RAPGEF5: variants seen among roughly 807,000 people sequenced by gnomAD.
RAPGEF5 encodes Rap guanine nucleotide exchange factor 5.
A neutral mutation model predicts 125.2 loss-of-function variants in RAPGEF5; 65 were observed. That is an observed-to-expected ratio of 0.52 (90% CI 0.43 to 0.64). RAPGEF5 has a LOEUF of 0.64. Among genes scored for constraint, RAPGEF5 ranks in the 30% least tolerant of loss-of-function variants. The pLI, the probability that RAPGEF5 is intolerant of heterozygous loss-of-function variation, is 0.00. For synonymous variants in RAPGEF5, 391 were observed against 385.9 expected (o/e 1.01, Z -0.16); for missense variants, 958 against 1,048.1 (o/e 0.91, Z 1.19).
At chr7:22,305,751 T>A (rs142037448) in intron 5 of RAPGEF5, among the ~76,000 whole-genome samples, 389 of 152,288 alleles carry the variant, frequency 2.6e-3, no homozygotes, top group African/African-American at 8.5e-3. Flanking sequence ...TTCTACTGTG[T>A]TCATGAGTTC....
chr7:22,147,094 C>T, intron 18 of RAPGEF5, 75 bp from the exon 19 acceptor site: 2 of 1,535,006 alleles, frequency 1.3e-6, no homozygotes, highest in Non-Finnish European at 1.8e-6. Context: ...TGTAGAAAGG[C>T]ACTAGAAGCT....
At chr7:22,168,113 C>T (rs776973488) in intron 11 of RAPGEF5, among the ~76,000 whole-genome samples, 1 of 152,022 alleles carries the variant, frequency 6.6e-6, no homozygotes, top group Non-Finnish European at 1.5e-5. Flanking sequence ...TTGTTATGGA[C>T]TGAATGCTTA....
chr7:22,283,241 A>T (rs1782717227), intron 6 of RAPGEF5, among the ~76,000 whole-genome samples: 2 of 152,202 alleles, frequency 1.3e-5, no homozygotes, highest in African/African-American at 4.8e-5. Flanking sequence ...CAGTACTGTT[A>T]TTTCACTGTC....
At chr7:22,140,226 G>T in intron 20 of RAPGEF5, 111 bp from the exon 21 acceptor site, 1 of 950,574 alleles carries the variant, frequency 1.1e-6, no homozygotes, top group Non-Finnish European at 1.6e-6. Flanking sequence ...CAGGAATTCT[G>T]CTCTACAGCC....
chr7:22,183,379 T>A (rs1343240108), intron 11 of RAPGEF5, among the ~76,000 whole-genome samples: 1 of 150,774 alleles, frequency 6.6e-6, no homozygotes, highest in Non-Finnish European at 1.5e-5. Context: ...TTATGGCAAC[T>A]CTCAGTGGAG....
chr7:22,136,842 A>G (rs1332191489), intron 22 of RAPGEF5, 91 bp downstream of exon 22: 1 of 1,110,028 alleles, frequency 9.0e-7, no homozygotes, highest in African/African-American at 1.6e-5. Flanking sequence ...CTGACACGGT[A>G]GAGTACAAAT....
chr7:22,249,950 T>G (rs544041365), intron 7 of RAPGEF5, among the ~76,000 whole-genome samples: 3 of 152,238 alleles, frequency 2.0e-5, no homozygotes, highest in Non-Finnish European at 4.4e-5. Context: ...GTAACTGCTA[T>G]GCAAATTAAA....
intron 7 of RAPGEF5, among the ~76,000 whole-genome samples, chr7:22,253,075 G>C (rs113666990): frequency 6.6e-6 from 1 of 152,078 alleles, no homozygotes; most frequent in Non-Finnish European, 1.5e-5. Context: ...ACAGAAGAAC[G>C]ATCTCTGGAA....
At chr7:22,190,787 C>T (rs956512678) in intron 11 of RAPGEF5, among the ~76,000 whole-genome samples, 1 of 152,118 alleles carries the variant, frequency 6.6e-6, no homozygotes, top group Non-Finnish European at 1.5e-5. Context: ...TCTTCCCCAG[C>T]CTCTGATGGG....
At chr7:22,242,964 AAG>A (rs1240013524) in intron 7 of RAPGEF5, among the ~76,000 whole-genome samples, 3 of 149,098 alleles carry the variant, frequency 2.0e-5, no homozygotes, top group African/African-American at 7.6e-5. Flanking sequence ...AAAAAAAAAA[AAG>A]AAAGAAAGAA....
chr7:22,161,204 G>A (rs1057222200), intron 13 of RAPGEF5, among the ~76,000 whole-genome samples: 57 of 151,888 alleles, frequency 3.8e-4, no homozygotes, highest in African/African-American at 8.5e-4. Context: ...GCGAGACTCC[G>A]TCTCAAAAAA....
chr7:22,147,974 T>A (rs73683307), intron 18 of RAPGEF5, among the ~76,000 whole-genome samples: 3,808 of 152,188 alleles, frequency 0.025, 137 homozygotes, highest in African/African-American at 0.086. Flanking sequence ...CTATTTTTTT[T>A]AAAAAACCTA....
At chr7:22,272,932 T>C (rs941862938) in intron 6 of RAPGEF5, among the ~76,000 whole-genome samples, 5 of 151,414 alleles carry the variant, frequency 3.3e-5, no homozygotes, top group African/African-American at 9.7e-5. Flanking sequence ...AATTTGTTTG[T>C]ATGTTTTTGT....
intron 9 of RAPGEF5, among the ~76,000 whole-genome samples, chr7:22,207,784 A>G (rs77681122): frequency 0.078 from 11,932 of 152,208 alleles, 812 homozygotes; most frequent in African/African-American, 0.17. Flanking sequence ...TAGCTAGAAA[A>G]TGGGGAAGGG....
chr7:22,139,046 T>C (rs1783169488), intron 21 of RAPGEF5, among the ~76,000 whole-genome samples: 1 of 152,204 alleles, frequency 6.6e-6, no homozygotes, highest in African/African-American at 2.4e-5. Context: ...GTCAGCACAG[T>C]GCATTCCTTC....
chr7:22,325,080 C>T (rs1479506789), intron 1 of RAPGEF5, among the ~76,000 whole-genome samples: 3 of 152,188 alleles, frequency 2.0e-5, no homozygotes, highest in African/African-American at 7.2e-5. Flanking sequence ...TGTATTTCTA[C>T]ATTCTGCCCT....
chr7:22,203,438 T>C (rs1457255788), intron 9 of RAPGEF5, among the ~76,000 whole-genome samples: 1 of 152,230 alleles, frequency 6.6e-6, no homozygotes, highest in East Asian at 1.9e-4. Context: ...CTCTTGGTCT[T>C]TGGTCAGGGT....
intron 9 of RAPGEF5, among the ~76,000 whole-genome samples, chr7:22,214,251 T>A (rs1465605283): frequency 6.6e-6 from 1 of 152,048 alleles, no homozygotes; most frequent in Non-Finnish European, 1.5e-5. Context: ...CCATATTTCA[T>A]GAGTGAATTA....
chr7:22,223,130 A>G (rs2128133217), intron 8 of RAPGEF5, among the ~76,000 whole-genome samples: 1 of 152,256 alleles, frequency 6.6e-6, no homozygotes, highest in East Asian at 1.9e-4. Context: ...GGTTTTACCA[A>G]TGGAATGGTG....
Sources: allele counts gnomAD v4.1 joint callset (sites outside exome capture counted in the v4.1 genomes callset), GRCh38; gene constraint gnomAD v4.1.1; transcripts MANE v1.5; gene names NCBI Gene and HGNC (gene_info 2026-07-23, HGNC 2026-07-21).